Variants in CCDC7 observed in about 807,000 individuals in gnomAD.
CCDC7 encodes the protein coiled-coil domain containing 7.
Under a neutral mutation model 196.9 loss-of-function variants are expected in CCDC7, and 183 were observed. That is an observed-to-expected ratio of 0.93 (90% CI 0.82 to 1.05). CCDC7 has a LOEUF of 1.05. Among genes scored for constraint, CCDC7 ranks in the 50% least tolerant of loss-of-function variants. The pLI, the probability that CCDC7 is intolerant of heterozygous loss-of-function variation, is 0.00. For synonymous variants in CCDC7, 525 were observed against 484.6 expected, an observed-to-expected ratio of 1.08 and a Z score of -1.10; for missense variants, 1,540 against 1,482.2, an observed-to-expected ratio of 1.04 and a Z score of -0.64.
At chr10:32,820,568 C>T (rs1247871821) in intron 31 of CCDC7, among the ~76,000 whole-genome samples, 1 of 152,100 alleles carries the variant, frequency 6.6e-6, no homozygotes, top group Admixed American at 6.5e-5. Flanking sequence ...TCCAACTATA[C>T]TACAAGGCTA....
chr10:32,735,654 CAG>C (rs1181441215), intron 28 of CCDC7, among the ~76,000 whole-genome samples: 1 of 152,114 alleles, frequency 6.6e-6, no homozygotes, highest in Non-Finnish European at 1.5e-5. Context: ...GTGTCTTTCA[CAG>C]AGCAGAATGT....
intron 41 of CCDC7, among the ~76,000 whole-genome samples, chr10:32,875,521 G>A (rs1018444198): frequency 6.6e-6 from 1 of 151,968 alleles, no homozygotes; most frequent in South Asian, 2.1e-4. Flanking sequence ...GTACCATGCT[G>A]TTTTGGTTAC....
chr10:32,599,031 AG>A (rs2060718761), intron 18 of CCDC7, among the ~76,000 whole-genome samples: 1 of 152,280 alleles, frequency 6.6e-6, no homozygotes, highest in East Asian at 1.9e-4. Context: ...CAAGTATAAT[AG>A]ATCTGTCCGT....
chr10:32,764,136 C>T (rs946231525), intron 28 of CCDC7, among the ~76,000 whole-genome samples: 19 of 151,602 alleles, frequency 1.3e-4, no homozygotes, highest in African/African-American at 2.9e-4. Flanking sequence ...TTGCTTTGTC[C>T]GAAGAAACTA....
chr10:32,816,497 C>A (rs1251386623), intron 31 of CCDC7, among the ~76,000 whole-genome samples: 2 of 152,180 alleles, frequency 1.3e-5, no homozygotes, highest in African/African-American at 2.4e-5. Flanking sequence ...AGTGGTTCTC[C>A]TAGCACGCAG....
Position 32,633,092 on chromosome 10 carries a change from T to C in CCDC7, c.1802-1162T>C, listed in dbSNP as rs1486185777. Among the ~76,000 whole-genome samples the C allele has an allele frequency of 2.6e-5, 4 of 152,266 alleles. 1 individual carries two copies. Among genetic ancestry groups the C allele is most frequent in the Admixed American group, 2.0e-4 (3 of 15,288 alleles). ...AGTATCTATCTGTAATTGCTAATGA[T>C]TGGGCATGAAAGTTCACACATAGGA... On this transcript the variant is annotated intron_variant, in intron 18 of 41. Coordinates refer to ENST00000639629, the Ensembl canonical transcript of CCDC7.
chr10:32,727,057 A>C (rs182933072), intron 26 of CCDC7, among the ~76,000 whole-genome samples: 6 of 152,278 alleles, frequency 3.9e-5, no homozygotes, highest in Admixed American at 2.0e-4. Flanking sequence ...TGCACTCAAT[A>C]TCTACCAAGG....
chr10:32,713,508 A>G (rs2081143317), intron 25 of CCDC7, among the ~76,000 whole-genome samples: 1 of 152,190 alleles, frequency 6.6e-6, no homozygotes, highest in African/African-American at 2.4e-5. Context: ...ACAATGTATC[A>G]CTCTAAATTT....
At chr10:32,459,257 A>T (rs1007033690) in intron 3 of CCDC7, among the ~76,000 whole-genome samples, 1 of 152,064 alleles carries the variant, frequency 6.6e-6, no homozygotes, top group Non-Finnish European at 1.5e-5. Context: ...GAGGCCCTCC[A>T]CTTAGTTGCT....
At chr10:32,525,301 GT>G (rs1564548088) in intron 11 of CCDC7, among the ~76,000 whole-genome samples, 2 of 151,530 alleles carry the variant, frequency 1.3e-5, no homozygotes, top group East Asian at 3.9e-4. Context: ...CTCAATAATT[GT>G]TTCTCTTGCT....
chr10:32,819,655 G>C (rs2089723554), intron 31 of CCDC7, among the ~76,000 whole-genome samples: 1 of 152,182 alleles, frequency 6.6e-6, no homozygotes, highest in Non-Finnish European at 1.5e-5. Flanking sequence ...TGCAAAGCTG[G>C]TTCAAAATAT....
At chr10:32,847,131 C>T (rs2093331796) in intron 37 of CCDC7, among the ~76,000 whole-genome samples, 1 of 152,092 alleles carries the variant, frequency 6.6e-6, no homozygotes, top group South Asian at 2.1e-4. Flanking sequence ...AAGGCTCTGC[C>T]CCTTGGAGAG....
At chr10:32,644,568 C>T (rs2067420284) in intron 20 of CCDC7, among the ~76,000 whole-genome samples, 1 of 152,112 alleles carries the variant, frequency 6.6e-6, no homozygotes, top group African/African-American at 2.4e-5. Context: ...TGGCTATGTT[C>T]CCACCCAAAT....
At chr10:32,756,476 C>G (rs1402993094) in intron 28 of CCDC7, among the ~76,000 whole-genome samples, 2 of 152,154 alleles carry the variant, frequency 1.3e-5, no homozygotes, top group Admixed American at 6.5e-5. Context: ...GAATTTTCAA[C>G]CCAGAATTTC....
intron 24 of CCDC7, among the ~76,000 whole-genome samples, chr10:32,702,084 CT>C (rs2078851814): frequency 6.6e-6 from 1 of 152,070 alleles, no homozygotes; most frequent in Non-Finnish European, 1.5e-5. Context: ...TTTGCTCTTG[CT>C]TTTCTAGTTC....
chr10:32,681,204 G>T (rs2075806319), intron 21 of CCDC7, among the ~76,000 whole-genome samples: 1 of 152,146 alleles, frequency 6.6e-6, no homozygotes, highest in African/African-American at 2.4e-5. Flanking sequence ...TGCTATTTCA[G>T]CCTAGTAATT....
At chr10:32,508,930 G>T (rs2045631964) in intron 9 of CCDC7, among the ~76,000 whole-genome samples, 1 of 106,536 alleles carries the variant, frequency 9.4e-6, no homozygotes, top group Non-Finnish European at 1.8e-5. Context: ...ACTGTGCCTG[G>T]CATTTTTTTT....
chr10:32,801,487 A>G (rs1030396266), intron 29 of CCDC7, among the ~76,000 whole-genome samples: 1 of 152,160 alleles, frequency 6.6e-6, no homozygotes, highest in African/African-American at 2.4e-5. Flanking sequence ...GCCTGTTCCA[A>G]CTTTGTGTTC....
At chr10:32,859,643 A>T (rs2093896413) in intron 41 of CCDC7, among the ~76,000 whole-genome samples, 1 of 152,182 alleles carries the variant, frequency 6.6e-6, no homozygotes, top group Admixed American at 6.6e-5. Flanking sequence ...TCTTGAAAAG[A>T]TCAACAAAAT....
Sources: allele counts gnomAD v4.1 joint callset (sites outside exome capture counted in the v4.1 genomes callset), GRCh38; gene constraint gnomAD v4.1.1; transcripts MANE v1.5; gene names NCBI Gene and HGNC (gene_info 2026-07-23, HGNC 2026-07-21).